Variants in DNAH11 observed in about 807,000 individuals in gnomAD.
DNAH11 encodes the protein dynein axonemal heavy chain 11.
Under a neutral mutation model 526.0 loss-of-function variants are expected in DNAH11, and 442 were observed. The observed-to-expected ratio is 0.84, with a 90% CI of 0.78 to 0.91. DNAH11 has a LOEUF of 0.91. Among genes scored for constraint, DNAH11 ranks in the 40% least tolerant of loss-of-function variants. The probability of loss-of-function intolerance (pLI) is 0.00; values close to 1 mark genes in which losing one functional copy is unlikely to be tolerated. For missense variants in DNAH11, 6,989 were observed against 5,448.7 expected, an observed-to-expected ratio of 1.28 and a Z score of -8.90; for synonymous variants, 2,461 against 1,935.9, an observed-to-expected ratio of 1.27 and a Z score of -7.12.
In DNAH11 at chr7:21,748,701, C is replaced by T; in HGVS notation, c.8632C>T (p.Gln2878Ter). Residue 2878 changes from glutamine (Q) to a stop codon, truncating the protein, a stop_gained, in exon 52 of 82, where the codon CAG becomes TAG. Coordinates refer to ENST00000409508, the MANE Select transcript of DNAH11 (RefSeq NM_001277115.2). LOFTEE classifies it high-confidence loss of function. ...TTACCTTCGTGGCCTTGAGGTCTTT[C>T]AGATCACTCTGACCGAGGGCTATGG... ...AAYLRGLEVF[Q>*]ITLTEGYGIQ... The T allele has an allele frequency of 6.2e-7, 1 of 1,613,552 alleles. No homozygotes were observed. Among genetic ancestry groups the T allele is most frequent in the East Asian group, 2.2e-5 (1 of 44,842 alleles).
chr7:21,655,787 C>T, intron 28 of DNAH11, 45 bp from the exon 29 acceptor site: 2 of 1,557,186 alleles, frequency 1.3e-6, no homozygotes, highest in Admixed American at 1.8e-5. Context: ...CAGAATATAC[C>T]TACAGTAAGA....
intron 61 of DNAH11, among the ~76,000 whole-genome samples, chr7:21,789,808 T>TCTTTCTTTCTTTCTTTCTTTTTTCTTTC: frequency 3.2e-4 from 11 of 34,122 alleles, no homozygotes; most frequent in East Asian, 6.2e-4. Context: ...TTTCTTTCTT[T>TCTTTCTTTCTTTCTTTCTTTTTTCTTTC]TTTCTTTCTT....
chr7:21,718,941 G>A (rs1051085389), intron 43 of DNAH11, among the ~76,000 whole-genome samples: 4 of 152,152 alleles, frequency 2.6e-5, no homozygotes, highest in Non-Finnish European at 5.9e-5. Context: ...CCGAAAGCAG[G>A]TCTGAATTTG....
chr7:21,620,889 T>C (rs571596778), intron 25 of DNAH11, among the ~76,000 whole-genome samples: 392 of 152,130 alleles, frequency 2.6e-3, no homozygotes, highest in Non-Finnish European at 3.9e-3. Context: ...ACAAAGGACA[T>C]GAACTCATCA....
intron 49 of DNAH11, among the ~76,000 whole-genome samples, chr7:21,743,066 C>G (rs994534306): frequency 9.9e-5 from 15 of 152,224 alleles, no homozygotes; most frequent in Admixed American, 3.9e-4. Flanking sequence ...TGACAGTCAC[C>G]TCCTAAAGGC....
At chr7:21,699,501 A>G (rs919868138) in intron 36 of DNAH11, among the ~76,000 whole-genome samples, 15 of 152,148 alleles carry the variant, frequency 9.9e-5, no homozygotes, top group African/African-American at 3.4e-4. Context: ...AGTTGCAACC[A>G]CACAGTTACC....
In DNAH11 at chr7:21,866,555, A is replaced by T. The variant is rs767866024; in HGVS notation, c.11582A>T (p.Glu3861Val). 1 of 1,613,978 alleles carries T rather than the reference A, an allele frequency of 6.2e-7. No individual in the cohort carries two copies. The highest frequency in any genetic ancestry group is 1.7e-5 in the Admixed American group (1 of 60,026). Residue 3861 changes from glutamate to valine, a missense_variant, in exon 71 of 82, where the codon GAG becomes GTG. Physicochemically the swap from Glu to Val is moderately radical, Grantham distance 121. Coordinates refer to ENST00000409508, the MANE Select transcript of DNAH11 (RefSeq NM_001277115.2). ...AKQWRKWVES[E>V]CPEKEKLPQE... ...CAGTGGAGGAAGTGGGTAGAATCCG[A>T]GTGTCCAGAAAAAGAAAAATTACCT...
In DNAH11 at chr7:21,582,005, T is replaced by C. The variant is rs1284718840; in HGVS notation, c.1694T>C (p.Leu565Ser). Residue 565 changes from leucine (L) to serine (S), a missense_variant, in exon 9 of 82, where the codon TTA becomes TCA. Physicochemically the swap from Leu to Ser is moderately radical, Grantham distance 145. Coordinates refer to ENST00000409508, the MANE Select transcript of DNAH11 (RefSeq NM_001277115.2). ...GAAGCTTTCTTTAACTGCAATGGCTTAGAAGCTGCATTTAAGGTTAGTTCT... is the reference window on the plus strand; with the variant it reads ...GAAGCTTTCTTTAACTGCAATGGCTCAGAAGCTGCATTTAAGGTTAGTTCT... ...ICEAFFNCNG[L>S]EAAFKLLTIF... is the part of the protein sequence containing the mutation. 6.2e-7 allele frequency: 1 copy of C among 1,609,910 alleles called. No homozygotes were observed. The highest frequency in any genetic ancestry group is 8.5e-7 in the Non-Finnish European group (1 of 1,176,430).
At chr7:21,798,893 A>G (rs1788837161) in intron 61 of DNAH11, among the ~76,000 whole-genome samples, 1 of 152,154 alleles carries the variant, frequency 6.6e-6, no homozygotes, top group African/African-American at 2.4e-5. Flanking sequence ...TTATGCTAAT[A>G]CATGGTGAGC....
intron 74 of DNAH11, among the ~76,000 whole-genome samples, chr7:21,879,888 C>T (rs1018886217): frequency 1.3e-5 from 2 of 152,044 alleles, no homozygotes; most frequent in African/African-American, 4.8e-5. Context: ...AGTTCAAGAC[C>T]AGCCTGGCCA....
chr7:21,633,537 T>C (rs1249481875), intron 25 of DNAH11, among the ~76,000 whole-genome samples: 1 of 152,226 alleles, frequency 6.6e-6, no homozygotes, highest in Non-Finnish European at 1.5e-5. Context: ...AAATTTTAAA[T>C]TGTGATTTTT....
chr7:21,748,796 C>T (rs1180557885), intron 52 of DNAH11, 54 bp downstream of exon 52: 6 of 1,552,054 alleles, frequency 3.9e-6, no homozygotes, highest in Non-Finnish European at 4.4e-6. Flanking sequence ...CAGATAAAGC[C>T]GAGGCTCCTA....
At chr7:21,638,854 A>G (rs2128460247) in intron 27 of DNAH11, 85 bp from the exon 28 acceptor site, 1 of 1,469,690 alleles carries the variant, frequency 6.8e-7, no homozygotes, top group Middle Eastern at 1.8e-4. Flanking sequence ...TAATGAATGG[A>G]CATAGAGGAC....
At chr7:21,824,957 C>T (rs1000596133) in intron 65 of DNAH11, among the ~76,000 whole-genome samples, 6 of 152,142 alleles carry the variant, frequency 3.9e-5, no homozygotes, top group African/African-American at 1.2e-4. Context: ...TTGCAACCTC[C>T]ACCTCCCAGG....
chr7:21,867,228 C>T (rs1014278074), intron 71 of DNAH11, among the ~76,000 whole-genome samples: 3 of 152,168 alleles, frequency 2.0e-5, no homozygotes, highest in Admixed American at 2.0e-4. Context: ...AATTTGAATT[C>T]ACCAACCAAA....
chr7:21,646,570 T>C (rs1787363501), intron 28 of DNAH11, among the ~76,000 whole-genome samples: 1 of 152,120 alleles, frequency 6.6e-6, no homozygotes, highest in African/African-American at 2.4e-5. Flanking sequence ...TGGAGAGTAT[T>C]AGGCAGAGTG....
intron 7 of DNAH11, 150 bp from the exon 8 acceptor site, chr7:21,571,656 A>C (rs1234685063): frequency 1.7e-6 from 1 of 597,124 alleles, no homozygotes; most frequent in East Asian, 3.2e-5. Flanking sequence ...TTAATTAAAT[A>C]CTTATTTCTG....
intron 18 of DNAH11, among the ~76,000 whole-genome samples, chr7:21,602,879 T>A (rs1785147706): frequency 6.6e-6 from 1 of 152,214 alleles, no homozygotes; most frequent in Non-Finnish European, 1.5e-5. Context: ...CTTTTTTTTA[T>A]TGAGGTGAAA....
At chr7:21,643,055 C>T (rs539539992) in intron 28 of DNAH11, among the ~76,000 whole-genome samples, 1 of 152,268 alleles carries the variant, frequency 6.6e-6, no homozygotes, top group South Asian at 2.1e-4. Context: ...TGATAAAAGT[C>T]TCTGGTAGTT....
Sources: allele counts gnomAD v4.1 joint callset (sites outside exome capture counted in the v4.1 genomes callset), GRCh38; gene constraint gnomAD v4.1.1; transcripts MANE v1.5; gene names NCBI Gene and HGNC (gene_info 2026-07-23, HGNC 2026-07-21).